ACOT12: variants seen among roughly 807,000 people sequenced by gnomAD.
The protein encoded by ACOT12 is acetyl-coenzyme A thioesterase.
ACOT12 carries 51 observed loss-of-function variants against 67.7 expected under a neutral mutation model. That is an observed-to-expected ratio of 0.75 (90% CI 0.60 to 0.95). The LOEUF is 0.95. ACOT12 is among the 40% of genes least tolerant of loss of function. The pLI is 0.00. For synonymous variants in ACOT12, 251 were observed against 244.6 expected (o/e 1.03, Z -0.24); for missense variants, 734 against 708.1 (o/e 1.04, Z -0.41).
intron 3 of ACOT12, among the ~76,000 whole-genome samples, chr5:81,367,502 G>A (rs895689328): frequency 6.6e-6 from 1 of 152,030 alleles, no homozygotes; most frequent in East Asian, 1.9e-4. Flanking sequence ...ATTATTCGAA[G>A]GTAGTCTCAG....
chr5:81,343,337 T>G (rs2153848231), intron 10 of ACOT12, among the ~76,000 whole-genome samples: 1 of 152,354 alleles, frequency 6.6e-6, no homozygotes, highest in African/African-American at 2.4e-5. Context: ...AACTGTATAC[T>G]TAACAACTGC....
At chr5:81,386,995 ATTTTTTTT>A (rs869281800) in intron 1 of ACOT12, among the ~76,000 whole-genome samples, 1 of 81,334 alleles carries the variant, frequency 1.2e-5, no homozygotes, top group Non-Finnish European at 2.7e-5. Flanking sequence ...GATGAGTTCC[ATTTTTTTT>A]TTTTTTTTTT....
the ACOT12 span, chr5:81,308,995 G>A: frequency 1.2e-6 from 2 of 1,613,352 alleles, no homozygotes; most frequent in South Asian, 1.1e-5. Flanking sequence ...TGGGGCACCT[G>A]TCTAGATCTT....
chr5:81,335,783 C>T lies in ACOT12; in HGVS notation c.1247G>A (p.Trp416Ter). ...LLSDFTKRPL[W>*]DPHFVSCEVI... is the part of the protein sequence containing the mutation. ...TTGTTCTTACACAAAATGGGGGTCCCACAAAGGTCGCTTTGTAAAGTCAGA... is the reference window on the plus strand; with the variant it reads ...TTGTTCTTACACAAAATGGGGGTCCTACAAAGGTCGCTTTGTAAAGTCAGA... The change falls in exon 12 of 15, where the codon TGG becomes TAG. Residue 416 changes from tryptophan to a stop codon, truncating the protein, a stop_gained. Transcript: ENST00000307624. LOFTEE classifies it high-confidence loss of function. 3.1e-6 allele frequency: 5 copies of T among 1,608,772 alleles called. No individual in the cohort carries two copies. Among genetic ancestry groups the T allele is most frequent in the Non-Finnish European group, 4.2e-6 (5 of 1,178,714 alleles).
At chr5:81,317,554 A>G in the ACOT12 span, among the ~76,000 whole-genome samples, 1 of 151,868 alleles carries the variant, frequency 6.6e-6, no homozygotes, top group South Asian at 2.1e-4. Context: ...CAGGCTATAC[A>G]GGAAGCATGG....
intron 2 of ACOT12, among the ~76,000 whole-genome samples, chr5:81,385,184 C>G (rs1451965519): frequency 6.6e-6 from 1 of 152,106 alleles, no homozygotes; most frequent in Non-Finnish European, 1.5e-5. Flanking sequence ...CATGGTGGCT[C>G]ACTCCTGTAA....
chr5:81,383,554 T>C (rs752399674), intron 2 of ACOT12, among the ~76,000 whole-genome samples: 2 of 152,218 alleles, frequency 1.3e-5, no homozygotes, highest in Admixed American at 1.3e-4. Context: ...GAACATTTTA[T>C]GTTAAAAGAC....
rs1561329134 is a variant in ACOT12 at position 81,346,184 on chromosome 5, C to T, written c.654-180G>A. On this transcript the variant is annotated intron_variant, in intron 6 of 14. Coordinates refer to ENST00000307624, the MANE Select transcript of ACOT12 (RefSeq NM_130767.3). ...CCAATATTTTGGGAAATACCATGTC[C>T]CCGAGCAGTGGGGTCTTTACCCAGA... is the stretch of plus-strand genomic sequence containing the variant. Among the ~76,000 whole-genome samples, 3 of 152,262 alleles carry T rather than the reference C, an allele frequency of 2.0e-5. No homozygotes were observed. The East Asian group carries it at 5.8e-4, about 29-fold the overall frequency.
At position 81,332,465 on chromosome 5, in the gene ACOT12, G is replaced by C; in HGVS notation, c.1391+12C>G. ...GAAATATTAATAGAACACTTGGACT[G>C]CATATACTCACCCATCTTTGAGGGG... On this transcript the variant is annotated intron_variant, in intron 13 of 14. Coordinates refer to ENST00000307624, the MANE Select transcript of ACOT12 (RefSeq NM_130767.3). The C allele has an allele frequency of 6.2e-7, 1 of 1,613,484 alleles. No individual in the cohort carries two copies. The highest frequency in any genetic ancestry group is 8.5e-7 in the Non-Finnish European group (1 of 1,179,722).
rs533197242 is a variant in ACOT12, at chr5:81,331,632, G to A, written c.1392-692C>T. The stretch of plus-strand genomic sequence containing the variant: ...ATAAAAATCTTCCTCCAGTCCAATT[G>A]CGCTCCCATGCTATTTTCTACCCTA... On this transcript the variant is annotated intron_variant, in intron 13 of 14. Transcript: ENST00000307624. Among the ~76,000 whole-genome samples the A allele has an allele frequency of 5.9e-5, 9 of 152,232 alleles. No individual in the cohort carries two copies. In the South Asian group the frequency reaches 1.9e-3, roughly 32 times the overall value.
the ACOT12 span, among the ~76,000 whole-genome samples, chr5:81,310,020 C>CT: frequency 6.6e-6 from 1 of 152,174 alleles, no homozygotes; most frequent in Non-Finnish European, 1.5e-5. Flanking sequence ...AAGTGCTTCT[C>CT]TTTCACTATG....
intron 2 of ACOT12, 29 bp from the exon 3 acceptor site, chr5:81,371,839 G>T: frequency 6.3e-7 from 1 of 1,596,992 alleles, no homozygotes; most frequent in African/African-American, 1.3e-5. Context: ...AAAAACCTCA[G>T]TAGTTTTAGC....
At chr5:81,334,145 G>A (rs1001582781) in intron 12 of ACOT12, among the ~76,000 whole-genome samples, 2 of 152,062 alleles carry the variant, frequency 1.3e-5, no homozygotes, top group African/African-American at 4.8e-5. Context: ...CTTGCTAAAA[G>A]CAACTTCCAC....
chr5:81,360,183 G>C (rs1759861674), intron 4 of ACOT12, 145 bp from the exon 5 acceptor site: 1 of 730,768 alleles, frequency 1.4e-6, no homozygotes, highest in South Asian at 2.6e-5. Flanking sequence ...AACATGTTAT[G>C]ACTAAATTTT....
rs112977439 is a variant in ACOT12 at position 81,332,120 on chromosome 5, T to C, written c.1391+357A>G. The stretch of plus-strand genomic sequence containing the variant: ...CCAGCTGACAACCAGCCATGGTGGA[T>C]GTCTAGCATAGTCAAGCCTTGGTGA... On this transcript the variant is annotated intron_variant, in intron 13 of 14. Transcript: ENST00000307624. Among the ~76,000 whole-genome samples the C allele has an allele frequency of 8.7e-3, 1,331 of 152,346 alleles. 17 individuals are homozygous for C. The highest frequency in any genetic ancestry group is 0.031 in the African/African-American group (1,280 of 41,594).
chr5:81,384,067 C>T (rs1350748299), intron 2 of ACOT12, among the ~76,000 whole-genome samples: 1 of 151,108 alleles, frequency 6.6e-6, no homozygotes, highest in Non-Finnish European at 1.5e-5. Flanking sequence ...TGCAGAGCAA[C>T]TTCCAGCCTT....
Position 81,363,896 on chromosome 5 carries a change from T to G in ACOT12, c.259-7A>C. 6.4e-7 allele frequency: 1 copy of G among 1,552,224 alleles called. No homozygotes were observed. On this transcript the variant is annotated splice_region_variant and splice_polypyrimidine_tract_variant and intron_variant, in intron 3 of 14. Coordinates refer to ENST00000307624, the MANE Select transcript of ACOT12 (RefSeq NM_130767.3). ...CCATGACCTTGATACTGATCTAAAA[T>G]GAAAAAAAGATAAATAAATACACTC...
Position 81,332,610 on chromosome 5 carries a change from G to A in ACOT12, c.1263-5C>T. On this transcript the variant is annotated splice_region_variant and splice_polypyrimidine_tract_variant and intron_variant, in intron 12 of 14. Transcript: ENST00000307624. ...CAGTCTATGACTTCACAGGACCTGTGTATATAGAACAGTGAAAAGCAGGTA... is the reference window on the plus strand; with the variant it reads ...CAGTCTATGACTTCACAGGACCTGTATATATAGAACAGTGAAAAGCAGGTA... 9.9e-6 allele frequency: 16 copies of A among 1,613,856 alleles called. No individual in the cohort carries two copies. Among genetic ancestry groups the A allele is most frequent in the Non-Finnish European group, 1.4e-5 (16 of 1,179,934 alleles).
chr5:81,339,127 G>T (rs1429884099), intron 11 of ACOT12, among the ~76,000 whole-genome samples: 1 of 152,182 alleles, frequency 6.6e-6, no homozygotes. Context: ...GAGAATTTTT[G>T]TACCATCTAT....
Sources: gnomAD v4.1 joint callset for allele counts (sites outside exome capture counted in the v4.1 genomes callset) on GRCh38, gnomAD v4.1.1 for gene constraint, MANE v1.5 for transcripts, NCBI Gene and HGNC (gene_info 2026-07-23, HGNC 2026-07-21) for gene names.